PCDH15: variants seen among roughly 807,000 people sequenced by gnomAD.
The protein encoded by PCDH15 is protocadherin related 15.
PCDH15 carries 129 observed loss-of-function variants against 178.5 expected under a neutral mutation model. The observed-to-expected ratio is 0.72, with a 90% CI of 0.63 to 0.84. The LOEUF is 0.84. Among genes scored for constraint, PCDH15 ranks in the 40% least tolerant of loss-of-function variants. PCDH15 has a pLI of 0.00. For missense variants in PCDH15, 2,230 were observed against 2,099.9 expected (o/e 1.06, Z -1.21); for synonymous variants, 800 against 732.0 (o/e 1.09, Z -1.50).
chr10:54,913,683 C>CAG (rs1954856324), intron 2 of PCDH15, among the ~76,000 whole-genome samples: 1 of 152,196 alleles, frequency 6.6e-6, no homozygotes, highest in African/African-American at 2.4e-5. Flanking sequence ...TCAATGTCCA[C>CAG]CTGTGAAACC....
chr10:54,374,422 T>C (rs928627143), intron 4 of PCDH15, among the ~76,000 whole-genome samples: 1 of 152,112 alleles, frequency 6.6e-6, no homozygotes, highest in African/African-American at 2.4e-5. Flanking sequence ...TATAGGACTG[T>C]ACCAGAGTCA....
At chr10:55,228,658 C>T (rs1841125419) in intron 1 of PCDH15, among the ~76,000 whole-genome samples, 2 of 151,952 alleles carry the variant, frequency 1.3e-5, no homozygotes, top group African/African-American at 4.8e-5. Context: ...ACTAAGGGAG[C>T]TTGCCAAGGT....
intron 2 of PCDH15, among the ~76,000 whole-genome samples, chr10:55,088,347 C>A (rs1181773184): frequency 6.6e-6 from 1 of 151,874 alleles, no homozygotes; most frequent in Non-Finnish European, 1.5e-5. Context: ...TGGCTCACTG[C>A]AACCTCCGCC....
intron 8 of PCDH15, among the ~76,000 whole-genome samples, chr10:54,247,960 ACACAT>A (rs750355946): frequency 0.014 from 2,044 of 141,732 alleles, 25 homozygotes; most frequent in African/African-American, 0.038. Context: ...ATATATATAT[ACACAT>A]ACAGTAAATG....
intron 23 of PCDH15, among the ~76,000 whole-genome samples, chr10:53,944,228 C>T (rs1030917791): frequency 1.1e-4 from 16 of 152,010 alleles, no homozygotes; most frequent in African/African-American, 3.6e-4. Context: ...TGTTTATGAA[C>T]GATCAATGGG....
chr10:53,947,064 C>A (rs971190493), intron 23 of PCDH15, among the ~76,000 whole-genome samples: 1 of 152,088 alleles, frequency 6.6e-6, no homozygotes, highest in African/African-American at 2.4e-5. Flanking sequence ...TGTGAACCAC[C>A]GCACCTGGCC....
At chr10:54,998,905 A>G (rs948647654) in intron 2 of PCDH15, among the ~76,000 whole-genome samples, 1 of 152,190 alleles carries the variant, frequency 6.6e-6, no homozygotes, top group Admixed American at 6.5e-5. Flanking sequence ...GTATGTTTTT[A>G]TGTCCTGGAT....
At chr10:54,729,123 A>ATTTGGGAGGC (rs1942988124) in intron 1 of PCDH15, among the ~76,000 whole-genome samples, 1 of 151,576 alleles carries the variant, frequency 6.6e-6, no homozygotes, top group Non-Finnish European at 1.5e-5. Flanking sequence ...GCAATCCTAA[A>ATTTGGGAGGC]CAAAAACAAC....
At chr10:54,292,752 A>G (rs1350979806) in intron 8 of PCDH15, among the ~76,000 whole-genome samples, 1 of 152,136 alleles carries the variant, frequency 6.6e-6, no homozygotes, top group African/African-American at 2.4e-5. Flanking sequence ...TAGGAATCCA[A>G]CATACAAGGG....
At chr10:55,146,115 A>G (rs1838504460) in intron 2 of PCDH15, among the ~76,000 whole-genome samples, 1 of 152,008 alleles carries the variant, frequency 6.6e-6, no homozygotes, top group African/African-American at 2.4e-5. Context: ...GCCAAGCACT[A>G]CTAACCACTA....
At chr10:55,538,392 T>C (rs1484317381) in intron 2 of PCDH15, among the ~76,000 whole-genome samples, 36 of 144,672 alleles carry the variant, frequency 2.5e-4, no homozygotes, top group African/African-American at 8.6e-4. Context: ...CTTCCTTCCT[T>C]CCTTTCTTCC....
chr10:53,809,000 C>G (rs1281575803), intron 37 of PCDH15: 2 of 1,572,120 alleles, frequency 1.3e-6, no homozygotes, highest in Non-Finnish European at 1.7e-6. Flanking sequence ...TCTTTTTGTT[C>G]TTCTTGTGGC....
intron 2 of PCDH15, among the ~76,000 whole-genome samples, chr10:55,156,168 T>A (rs1299080204): frequency 6.6e-6 from 1 of 152,168 alleles, no homozygotes; most frequent in Non-Finnish European, 1.5e-5. Flanking sequence ...ATCCTTCATG[T>A]GAAGCTTGAG....
At chr10:54,873,773 T>G (rs1954084310) in intron 3 of PCDH15, among the ~76,000 whole-genome samples, 1 of 145,342 alleles carries the variant, frequency 6.9e-6, no homozygotes, top group African/African-American at 2.5e-5. Context: ...TGTGTGTGTG[T>G]TGTGTGTGTG....
intron 2 of PCDH15, among the ~76,000 whole-genome samples, chr10:55,528,082 G>C (rs1841344372): frequency 1.3e-5 from 2 of 151,878 alleles, no homozygotes; most frequent in Admixed American, 6.6e-5. Flanking sequence ...TGTTGCCCAA[G>C]CAGCAGGGCA....
At chr10:55,555,105 T>C (rs2132092034) in intron 2 of PCDH15, among the ~76,000 whole-genome samples, 1 of 152,234 alleles carries the variant, frequency 6.6e-6, no homozygotes, top group East Asian at 1.9e-4. Context: ...AAATGATACA[T>C]TAAAACAATC....
intron 20 of PCDH15, among the ~76,000 whole-genome samples, chr10:54,017,743 T>C (rs1344765555): frequency 6.6e-6 from 1 of 151,982 alleles, no homozygotes; most frequent in African/African-American, 2.4e-5. Flanking sequence ...CTCAGCATCA[T>C]GCAATACACT....
In PCDH15 at chr10:55,120,443, C is replaced by T. The variant is rs575910848; in HGVS notation, c.-80+46133G>A. Among the ~76,000 whole-genome samples the T allele has an allele frequency of 6.6e-5, 10 of 152,000 alleles. No homozygotes were observed. In the East Asian group the frequency reaches 7.8e-4, roughly 12 times the overall value. On this transcript the variant is annotated intron_variant, in intron 2 of 5. Coordinates refer to the PCDH15 transcript ENST00000458638. ...AGAGTCCCAATTCCTTGGGACTAGACGTAGTGATCTAGAGGGAGTATATGA... is the reference window on the plus strand; with the variant it reads ...AGAGTCCCAATTCCTTGGGACTAGATGTAGTGATCTAGAGGGAGTATATGA...
intron 1 of PCDH15, among the ~76,000 whole-genome samples, chr10:55,225,492 AC>A (rs1384788900): frequency 6.6e-6 from 1 of 152,078 alleles, no homozygotes; most frequent in Non-Finnish European, 1.5e-5. Context: ...CAAAACAAAA[AC>A]CATGACATTT....
Sources: gnomAD v4.1 joint callset for allele counts (sites outside exome capture counted in the v4.1 genomes callset) on GRCh38, gnomAD v4.1.1 for gene constraint, MANE v1.5 for transcripts, NCBI Gene and HGNC (gene_info 2026-07-23, HGNC 2026-07-21) for gene names.